The following ABCB1 variants were observed in gnomAD, a reference collection of about 807,000 sequenced individuals.
ABCB1 encodes ATP-dependent translocase ABCB1.
Under a neutral mutation model 142.0 loss-of-function variants are expected in ABCB1, and 69 were observed. The observed-to-expected ratio is 0.49, with a 90% CI of 0.40 to 0.59. The LOEUF is 0.59. ABCB1 is among the 20% of genes least tolerant of loss of function. ABCB1 has a pLI of 0.00. For missense variants in ABCB1, 1,326 were observed against 1,554.7 expected, an observed-to-expected ratio of 0.85 and a Z score of 2.47; for synonymous variants, 532 against 539.2, an observed-to-expected ratio of 0.99 and a Z score of 0.18.
chr7:87,707,443 G>A (rs915012582), intron 1 of ABCB1, among the ~76,000 whole-genome samples: 1 of 152,134 alleles, frequency 6.6e-6, no homozygotes, highest in African/African-American at 2.4e-5. Flanking sequence ...GGAGACCAAG[G>A]TGAGCAGATC....
At chr7:87,643,617 T>C (rs1049676374) in intron 1 of ABCB1, among the ~76,000 whole-genome samples, 1 of 151,820 alleles carries the variant, frequency 6.6e-6, no homozygotes, top group African/African-American at 2.4e-5. Context: ...GCCTCCCAGG[T>C]TCAAGCAATT....
intron 1 of ABCB1, among the ~76,000 whole-genome samples, chr7:87,611,595 A>G (rs952736837): frequency 4.0e-5 from 6 of 150,884 alleles, no homozygotes; most frequent in Non-Finnish European, 8.9e-5. Context: ...GTGTAGATGT[A>G]CCACATTTTC....
intron 1 of ABCB1, among the ~76,000 whole-genome samples, chr7:87,665,399 A>T (rs1825123797): frequency 6.6e-6 from 1 of 152,176 alleles, no homozygotes; most frequent in Non-Finnish European, 1.5e-5. Context: ...ACCTCTGTAC[A>T]CTGAAAGTTA....
intron 1 of ABCB1, among the ~76,000 whole-genome samples, chr7:87,687,332 C>A (rs560960968): frequency 6.6e-5 from 10 of 151,868 alleles, no homozygotes; most frequent in African/African-American, 2.2e-4. Flanking sequence ...ATGGTTAACA[C>A]CCTCATCCAT....
rs1828952279 is a variant in ABCB1 at position 87,700,679 on chromosome 7, T to G, written c.-331+12482A>C. On this transcript the variant is annotated intron_variant, in intron 1 of 28. Coordinates refer to the ABCB1 transcript ENST00000265724. ...TTAAGAAGCATAATAAAATACGTCC[T>G]GTTCTGTGATGTTTCTACATTTCTT... The G allele has an allele frequency of 5.0e-6, 4 of 793,108 alleles. No homozygotes were observed. In the Admixed American group the frequency reaches 1.1e-4, roughly 22 times the overall value. 49.1% of individuals were successfully genotyped at this position (793,108 alleles called of 1,614,324 possible). A position where few individuals can be genotyped will look rare whatever the true frequency, so the allele number is the denominator to read the frequency against.
chr7:87,587,874 C>T (rs112249618), intron 3 of ABCB1, among the ~76,000 whole-genome samples: 60 of 82,018 alleles, frequency 7.3e-4, no homozygotes, highest in Non-Finnish European at 1.2e-3. Context: ...GACTCTGTCT[C>T]AAAAAAAAAA....
At position 87,509,298 on chromosome 7, in the gene ABCB1, C is replaced by A; in HGVS notation, c.3466G>T (p.Ala1156Ser). 6.2e-7 allele frequency: 1 copy of A among 1,614,184 alleles called. No individual in the cohort carries two copies. The highest frequency in any genetic ancestry group is 1.1e-5 in the South Asian group (1 of 91,084). The part of the protein sequence containing the change: ...VRAAKEANIH[A>S]FIESLPNKYS... ...ACATTAGGCAGTGACTCGATGAAGGCATGTATGTTGGCCTCCTTTGCTGCC... is the reference window on the plus strand; with the variant it reads ...ACATTAGGCAGTGACTCGATGAAGGAATGTATGTTGGCCTCCTTTGCTGCC... Residue 1156 changes from alanine to serine, a missense_variant, in exon 26 of 28, where the codon GCC (alanine) becomes TCC (serine). Coordinates refer to ENST00000622132, the MANE Select transcript of ABCB1 (RefSeq NM_001348946.2).
intron 8 of ABCB1, among the ~76,000 whole-genome samples, chr7:87,559,572 C>T (rs1385779889): frequency 2.0e-5 from 3 of 151,324 alleles, no homozygotes; most frequent in Admixed American, 1.3e-4. Flanking sequence ...TTATTATTTC[C>T]TTCTAATATT....
intron 1 of ABCB1, among the ~76,000 whole-genome samples, chr7:87,625,319 T>C (rs902925176): frequency 6.6e-6 from 1 of 152,122 alleles, no homozygotes; most frequent in Non-Finnish European, 1.5e-5. Flanking sequence ...GGAGTTTTAC[T>C]AAGTTTTCAG....
intron 20 of ABCB1, among the ~76,000 whole-genome samples, chr7:87,532,572 C>T (rs1816101046): frequency 6.6e-6 from 1 of 152,120 alleles, no homozygotes; most frequent in African/African-American, 2.4e-5. Flanking sequence ...AATGCCATGG[C>T]AACGTTACCC....
intron 1 of ABCB1, among the ~76,000 whole-genome samples, chr7:87,675,896 A>G (rs1219666271): frequency 2.0e-5 from 3 of 152,150 alleles, no homozygotes; most frequent in Non-Finnish European, 4.4e-5. Context: ...AACAAAGAAA[A>G]GATAAATAAG....
intron 1 of ABCB1, among the ~76,000 whole-genome samples, chr7:87,680,521 G>C (rs770596553): frequency 6.6e-6 from 1 of 150,810 alleles, no homozygotes; most frequent in African/African-American, 2.5e-5. Flanking sequence ...GGCCGGGCCC[G>C]GTGGCTCACG....
intron 1 of ABCB1, among the ~76,000 whole-genome samples, chr7:87,673,513 T>C (rs1209631191): frequency 2.0e-5 from 3 of 152,268 alleles, no homozygotes; most frequent in African/African-American, 7.2e-5. Flanking sequence ...CTGCTATTAA[T>C]ACTTGTGATT....
At chr7:87,594,644 T>C (rs1819122912) in intron 3 of ABCB1, among the ~76,000 whole-genome samples, 1 of 152,180 alleles carries the variant, frequency 6.6e-6, no homozygotes, top group Non-Finnish European at 1.5e-5. Context: ...GTTACTCAAG[T>C]AGCCTAAGAA....
In ABCB1 at chr7:87,504,022, TATAAA is replaced by T. The variant is rs1449534995; in HGVS notation, c.*216_*220del. 1 of 600,308 alleles carries T rather than the reference TATAAA, an allele frequency of 1.7e-6. No individual in the cohort carries two copies. The highest frequency in any genetic ancestry group is 2.9e-6 in the Non-Finnish European group (1 of 345,142). The allele number at this position is 600,308 out of a possible 1,614,324, so 37.2% of individuals were successfully genotyped here. Reference sequence around the variant, plus strand: ...CTTTTAAAATCTACTTTAATTCTGTTATAAAATTTATAATGCAGTTTAAACTATGA... The same window carrying T: ...CTTTTAAAATCTACTTTAATTCTGTTATTTATAATGCAGTTTAAACTATGA... On this transcript the variant is annotated 3_prime_UTR_variant, in exon 28 of 28. Transcript: ENST00000622132.
In ABCB1 at chr7:87,683,142, C is replaced by T. The variant is rs185315681; in HGVS notation, c.-331+30019G>A. Among the ~76,000 whole-genome samples, 292 of 152,244 alleles carry T rather than the reference C, an allele frequency of 1.9e-3. 2 individuals carry two copies. The highest frequency in any genetic ancestry group is 6.7e-3 in the African/African-American group (279 of 41,546). ...CTAGCTTCAAACTTTTCTTCTGCGG[C>T]GTCTTTGCCTCTCTCATCCTTCATA... On this transcript the variant is annotated intron_variant, in intron 1 of 28. Transcript: ENST00000265724.
chr7:87,519,034 T>C (rs1034763221), intron 23 of ABCB1: 7 of 464,252 alleles, frequency 1.5e-5, no homozygotes, highest in African/African-American at 1.4e-4. Context: ...CTAGGCTTCT[T>C]CCCAAATGCC....
At chr7:87,520,685 C>T (rs1563032300) in intron 22 of ABCB1, 91 bp downstream of exon 22, 1 of 1,154,968 alleles carries the variant, frequency 8.7e-7, no homozygotes, top group Non-Finnish European at 1.3e-6. Context: ...CCACTTGCTC[C>T]CTACCTTCTA....
intron 1 of ABCB1, among the ~76,000 whole-genome samples, chr7:87,675,203 ACC>A (rs1826205919): frequency 6.6e-6 from 1 of 151,984 alleles, no homozygotes; most frequent in African/African-American, 2.4e-5. Flanking sequence ...TCCCTCTTCC[ACC>A]CAGTGTCTGC....
Sources: allele counts gnomAD v4.1 joint callset (sites outside exome capture counted in the v4.1 genomes callset), GRCh38; gene constraint gnomAD v4.1.1; transcripts MANE v1.5; gene names NCBI Gene and HGNC (gene_info 2026-07-23, HGNC 2026-07-21).